Variants in DPH2 observed in about 807,000 individuals in gnomAD.
DPH2 encodes 2-(3-amino-3-carboxypropyl)histidine synthase subunit 2.
DPH2 carries 28 observed loss-of-function variants against 42.5 expected under a neutral mutation model. That is an observed-to-expected ratio of 0.66 (90% CI 0.49 to 0.90). The LOEUF (loss-of-function observed/expected upper bound fraction) is 0.90. Among genes scored for constraint, DPH2 ranks in the 40% least tolerant of loss-of-function variants. The pLI is 0.00. For synonymous variants in DPH2, 279 were observed against 264.4 expected, an observed-to-expected ratio of 1.06 and a Z score of -0.53; for missense variants, 576 against 636.0, an observed-to-expected ratio of 0.91 and a Z score of 1.01.
rs200994815 is a variant in DPH2, at chr1:43,971,485, C to G, written c.583C>G (p.Pro195Ala). Residue 195 changes from proline to alanine, a missense_variant, in exon 4 of 6, where the codon CCC becomes GCC. This residue lies in a region of DPH2 where 395 missense variants were observed against 435.2 expected (regional missense o/e 0.91). Coordinates refer to ENST00000255108, the MANE Select transcript of DPH2 (RefSeq NM_001384.5). ...PVGSLSPEPM[P>A]LERFGRRFPL... Reference sequence around the variant, plus strand: ...GGGTTCCCTGAGTCCAGAGCCTATGCCCCTAGAGCGTTTTGGGCGCCGCTT... The same window carrying G: ...GGGTTCCCTGAGTCCAGAGCCTATGGCCCTAGAGCGTTTTGGGCGCCGCTT... 9 of 1,614,104 alleles carry G rather than the reference C, an allele frequency of 5.6e-6. No individual in the cohort carries two copies. The highest frequency in any genetic ancestry group is 1.3e-5 in the African/African-American group (1 of 74,950).
chr1:43,970,565 C>T, intron 1 of DPH2, 31 bp from the exon 2 acceptor site: 1 of 1,605,090 alleles, frequency 6.2e-7, no homozygotes, highest in Non-Finnish European at 8.5e-7. Flanking sequence ...GGGAGAGAGG[C>T]TGTCCCTGAC....
chr1:43,971,019 A>C lies in DPH2; in HGVS notation c.314A>C (p.His105Pro), dbSNP rs1328221859. 6.3e-7 allele frequency: 1 copy of C among 1,586,036 alleles called. No individual in the cohort carries two copies. Among genetic ancestry groups the C allele is most frequent in the Non-Finnish European group, 8.6e-7 (1 of 1,165,460 alleles). ...AEQAGAQALI[H>P]FGPACLSPPA... ...CAAGCTGGAGCTCAGGCTCTCATACATTTTGGCCCTGCCTGCTTAAGCCCT... is the reference window on the plus strand; with the variant it reads ...CAAGCTGGAGCTCAGGCTCTCATACCTTTTGGCCCTGCCTGCTTAAGCCCT... The change falls in exon 3 of 6, where the codon CAT becomes CCT. Residue 105 changes from histidine (H) to proline (P), a missense_variant. By Grantham distance (77) the His-to-Pro change is moderately conservative. Around this residue, in one of 3 missense-constraint regions of DPH2, gnomAD observed 395 missense variants for 435.2 expected, o/e 0.91. Transcript: ENST00000255108.
chr1:43,970,202 C>G lies in DPH2; in HGVS notation c.27C>G (p.Ala9=). MESMFSSP[A]EAALQRETGV... ...TGGAGTCGATGTTTAGCAGCCCTGC[C>G]GAGGCGGCGCTGCAGCGAGAGACCG... is the stretch of plus-strand genomic sequence containing the variant. Residue 9 remains alanine, a synonymous_variant, in exon 1 of 6, where the codon GCC becomes GCG. Coordinates refer to ENST00000255108, the MANE Select transcript of DPH2 (RefSeq NM_001384.5). 3 of 1,614,082 alleles carry G rather than the reference C, an allele frequency of 1.9e-6. No individual in the cohort carries two copies. Among genetic ancestry groups the G allele is most frequent in the Non-Finnish European group, 2.5e-6 (3 of 1,179,958 alleles).
At position 43,970,225 on chromosome 1, in the gene DPH2, C is replaced by G; in HGVS notation, c.50C>G (p.Thr17Ser). 1 of 1,614,226 alleles carries G rather than the reference C, an allele frequency of 6.2e-7. No homozygotes were observed. The highest frequency in any genetic ancestry group is 1.1e-5 in the South Asian group (1 of 91,086). Residue 17 changes from threonine to serine, a missense_variant, in exon 1 of 6, where the codon ACC (threonine) becomes AGC (serine). By Grantham distance (58) the Thr-to-Ser change is moderately conservative. Around this residue, in one of 3 missense-constraint regions of DPH2, gnomAD observed 395 missense variants for 435.2 expected, o/e 0.91. Coordinates refer to ENST00000255108, the MANE Select transcript of DPH2 (RefSeq NM_001384.5). Reference sequence around the variant, plus strand: ...GCCGAGGCGGCGCTGCAGCGAGAGACCGGGGTGCCAGGACTGCTTACTCCT... The same window carrying G: ...GCCGAGGCGGCGCTGCAGCGAGAGAGCGGGGTGCCAGGACTGCTTACTCCT... ...SPAEAALQRE[T>S]GVPGLLTPLP...
Position 43,970,242 on chromosome 1 carries a change from C to G in DPH2, c.67C>G (p.Leu23Val), listed in dbSNP as rs746144496. The change falls in exon 1 of 6, where the codon CTT becomes GTT. Residue 23 changes from leucine (L) to valine (V), a missense_variant. By Grantham distance (32) the Leu-to-Val change is conservative. Coordinates refer to ENST00000255108, the MANE Select transcript of DPH2 (RefSeq NM_001384.5). The stretch of plus-strand genomic sequence containing the variant: ...GCGAGAGACCGGGGTGCCAGGACTG[C>G]TTACTCCTCTTCCGGACCTGGACGG... ...LQRETGVPGL[L>V]TPLPDLDGVY... 1.9e-6 allele frequency: 3 copies of G among 1,614,250 alleles called. No individual in the cohort carries two copies. The Admixed American group carries it at 5.0e-5, about 27-fold the overall frequency.
In DPH2 at chr1:43,972,658, G is replaced by C. The variant is rs1161608645; in HGVS notation, c.*119G>C. 5 of 1,447,918 alleles carry C rather than the reference G, an allele frequency of 3.5e-6. No individual in the cohort carries two copies. The highest frequency in any genetic ancestry group is 2.8e-5 in the African/African-American group (2 of 71,004). The allele number at this position is 1,447,918 out of a possible 1,614,324, so 89.7% of individuals were successfully genotyped here. ...CCTTGAAGGACCCTGGAAGGAGGGA[G>C]AGCAGGCAGCCCTTCACAGGATAGG... On this transcript the variant is annotated 3_prime_UTR_variant, in exon 6 of 6. Coordinates refer to ENST00000255108, the MANE Select transcript of DPH2 (RefSeq NM_001384.5).
At position 43,970,021 on chromosome 1, in the gene DPH2, T is replaced by C. The variant is rs539455304; in HGVS notation, c.-155T>C. The C allele has an allele frequency of 2.6e-5, 22 of 832,444 alleles. No individual in the cohort carries two copies. The highest frequency in any genetic ancestry group is 3.6e-5 in the Non-Finnish European group (20 of 552,192). 51.6% of individuals were successfully genotyped at this position (832,444 alleles called of 1,614,324 possible). Reference sequence around the variant, plus strand: ...TGTAGCGGAGAAACAGTAGTTAGGATGGCTGAAGGGGATACTCACCGGCTG... The same window carrying C: ...TGTAGCGGAGAAACAGTAGTTAGGACGGCTGAAGGGGATACTCACCGGCTG... On this transcript the variant is annotated 5_prime_UTR_variant, in exon 1 of 6. An upstream start codon of the reference 5' UTR is lost. Transcript: ENST00000255108.
Position 43,970,829 on chromosome 1 carries a change from C to A in DPH2, c.260+121C>A, listed in dbSNP as rs372033617. 6.3e-6 allele frequency: 8 copies of A among 1,273,962 alleles called. No homozygotes were observed. The African/African-American group carries it at 1.2e-4, about 19-fold the overall frequency. The allele number at this position is 1,273,962 out of a possible 1,614,324, so 78.9% of individuals were successfully genotyped here. On this transcript the variant is annotated intron_variant, in intron 2 of 5. Transcript: ENST00000255108. ...CCTTGATGATAATGGTAATGACTCC[C>A]CTTCTGATGCTAGCTCCTTTCATTG... is the stretch of plus-strand genomic sequence containing the variant.
At chr1:43,970,760 G>T in intron 2 of DPH2, 52 bp downstream of exon 2, 1 of 1,538,454 alleles carries the variant, frequency 6.5e-7, no homozygotes. Flanking sequence ...GGCTCATGGG[G>T]TTTTACGTCT....
rs1306957426 is a variant in DPH2 at position 43,971,648 on chromosome 1, C to T, written c.746C>T (p.Ser249Phe). 6.2e-6 allele frequency: 10 copies of T among 1,614,170 alleles called. No homozygotes were observed. Among genetic ancestry groups the T allele is most frequent in the African/African-American group, 1.3e-5 (1 of 75,066 alleles). Residue 249 changes from serine (S) to phenylalanine (F), a missense_variant, in exon 4 of 6, where the codon TCC becomes TTC. Ser to Phe is a radical substitution (Grantham distance 155). Around this residue, in one of 3 missense-constraint regions of DPH2, gnomAD observed 395 missense variants for 435.2 expected, o/e 0.91. Coordinates refer to ENST00000255108, the MANE Select transcript of DPH2 (RefSeq NM_001384.5). ...LGWAPGQPFSSCCPDTGKTQD... is the reference protein window; with the variant it reads ...LGWAPGQPFSFCCPDTGKTQD... ...TGGGCACCAGGTCAACCCTTCTCCT[C>T]CTGCTGTCCAGATACAGGGAAGACT...
rs373058733 is a variant in DPH2 at position 43,970,284 on chromosome 1, C to G, written c.109C>G (p.Arg37Gly). 5 of 1,614,224 alleles carry G rather than the reference C, an allele frequency of 3.1e-6. No individual in the cohort carries two copies. The East Asian group carries it at 6.7e-5, about 22-fold the overall frequency. Residue 37 changes from arginine (R) to glycine (G), a missense_variant, in exon 1 of 6, where the codon CGA becomes GGA. Coordinates refer to ENST00000255108, the MANE Select transcript of DPH2 (RefSeq NM_001384.5). Reference sequence around the variant, plus strand: ...CCTGGACGGAGTGTACGAGCTGGAGCGAGTCGCTGGATTTGTCCGCGACCT... The same window carrying G: ...CCTGGACGGAGTGTACGAGCTGGAGGGAGTCGCTGGATTTGTCCGCGACCT... ...PDLDGVYELE[R>G]VAGFVRDLGC...
Position 43,971,846 on chromosome 1 carries a change from A to C in DPH2, c.944A>C (p.Tyr315Ser). The change falls in exon 4 of 6, where the codon TAT (tyrosine) becomes TCT (serine). Residue 315 changes from tyrosine (Y) to serine (S), a missense_variant. Coordinates refer to ENST00000255108, the MANE Select transcript of DPH2 (RefSeq NM_001384.5). ...ACTCAGGCTGCTGGCAAGCGTAGCTATGTGTTGGCCCTGGGGCGGCCCACC... is the reference window on the plus strand; with the variant it reads ...ACTCAGGCTGCTGGCAAGCGTAGCTCTGTGTTGGCCCTGGGGCGGCCCACC... The part of the protein sequence containing the change: ...NLTQAAGKRS[Y>S]VLALGRPTPA... The C allele has an allele frequency of 6.2e-7, 1 of 1,613,904 alleles. No homozygotes were observed. Among genetic ancestry groups the C allele is most frequent in the Non-Finnish European group, 8.5e-7 (1 of 1,180,026 alleles).
Position 43,972,038 on chromosome 1 carries a change from CCCACCT to C in DPH2, c.1138_1143del (p.His380_Leu381del), listed in dbSNP as rs2085441140. ...GCCTGGCCACCTCCAGGCCTGGCTC[CCCACCT>C]CACACATTATGCGGACTTATTGCCT... On this transcript the variant is annotated inframe_deletion, in exon 4 of 6. Coordinates refer to ENST00000255108, the MANE Select transcript of DPH2 (RefSeq NM_001384.5). 1.9e-6 allele frequency: 3 copies of C among 1,613,924 alleles called. No individual in the cohort carries two copies. Among genetic ancestry groups the C allele is most frequent in the Admixed American group, 3.3e-5 (2 of 59,994 alleles).
Position 43,970,052 on chromosome 1 carries a change from C to T in DPH2, c.-124C>T, listed in dbSNP as rs2085385861. 5.3e-6 allele frequency: 6 copies of T among 1,133,034 alleles called. No individual in the cohort carries two copies. The East Asian group carries it at 7.6e-5, about 14-fold the overall frequency. 70.2% of individuals were successfully genotyped at this position (1,133,034 alleles called of 1,614,324 possible). On this transcript the variant is annotated 5_prime_UTR_variant, in exon 1 of 6. Transcript: ENST00000255108. ...AAGGGGATACTCACCGGCTGAAGGC[C>T]GACTGTGATTCCCCCTACCCCCACA...
chr1:43,971,460 G>A lies in DPH2; in HGVS notation c.558G>A (p.Val186=). Residue 186 remains valine (V), a synonymous_variant, in exon 4 of 6, where the codon GTG becomes GTA. Transcript: ENST00000255108. ...LVSSPAFPQP[V]GSLSPEPMPL... ...CCAGCCCAGCTTTTCCCCAACCAGTGGGTTCCCTGAGTCCAGAGCCTATGC... is the reference window on the plus strand; with the variant it reads ...CCAGCCCAGCTTTTCCCCAACCAGTAGGTTCCCTGAGTCCAGAGCCTATGC... 6.2e-7 allele frequency: 1 copy of A among 1,613,682 alleles called. No homozygotes were observed. The highest frequency in any genetic ancestry group is 8.5e-7 in the Non-Finnish European group (1 of 1,179,708).
chr1:43,971,099 G>A lies in DPH2; in HGVS notation c.394G>A (p.Glu132Lys), dbSNP rs764218639. ...GCTTCGTCAACGTTCTGTGGCCTTG[G>A]AGCTCTGTGTCAAGGCCTTTGAGGC... ...FVLRQRSVAL[E>K]LCVKAFEAQN... The change falls in exon 3 of 6, where the codon GAG (glutamate) becomes AAG (lysine). Residue 132 changes from glutamate to lysine, a missense_variant. Glu to Lys is a moderately conservative substitution (Grantham distance 56). Coordinates refer to ENST00000255108, the MANE Select transcript of DPH2 (RefSeq NM_001384.5). 2 of 1,560,246 alleles carry A rather than the reference G, an allele frequency of 1.3e-6. No individual in the cohort carries two copies. The highest frequency in any genetic ancestry group is 2.4e-5 in the South Asian group (2 of 84,950).
In DPH2 at chr1:43,971,857, C is replaced by G. The variant is rs1372301930; in HGVS notation, c.955C>G (p.Leu319Val). ...TGGCAAGCGTAGCTATGTGTTGGCC[C>G]TGGGGCGGCCCACCCCTGCCAAGCT... The part of the protein sequence containing the change: ...AAGKRSYVLA[L>V]GRPTPAKLAN... Residue 319 changes from leucine (L) to valine (V), a missense_variant, in exon 4 of 6, where the codon CTG (leucine) becomes GTG (valine). Around this residue, in one of 3 missense-constraint regions of DPH2, gnomAD observed 395 missense variants for 435.2 expected, o/e 0.91. Coordinates refer to ENST00000255108, the MANE Select transcript of DPH2 (RefSeq NM_001384.5). 2.5e-6 allele frequency: 4 copies of G among 1,613,948 alleles called. No homozygotes were observed. The African/African-American group carries it at 5.3e-5, about 22-fold the overall frequency.
Position 43,970,966 on chromosome 1 carries a change from C to G in DPH2, c.261C>G (p.Ser87Arg). Residue 87 changes from serine (S) to arginine (R), a missense_variant and splice_region_variant, in exon 3 of 6, where the codon AGC becomes AGG. Ser to Arg is a moderately radical substitution (Grantham distance 110). Around this residue, in one of 3 missense-constraint regions of DPH2, gnomAD observed 395 missense variants for 435.2 expected, o/e 0.91. Transcript: ENST00000255108. ...TTCTCTGATGCTATCTTCCCTGCAGCTGCTGCGTGGATGTGCTGGGTGCTG... is the reference window on the plus strand; with the variant it reads ...TTCTCTGATGCTATCTTCCCTGCAGGTGCTGCGTGGATGTGCTGGGTGCTG... ...MFILGDTAYG[S>R]CCVDVLGAEQ... 6.4e-7 allele frequency: 1 copy of G among 1,573,238 alleles called. No homozygotes were observed. The highest frequency in any genetic ancestry group is 8.6e-7 in the Non-Finnish European group (1 of 1,157,880).
chr1:43,970,933 G>A, intron 2 of DPH2, 33 bp from the exon 3 acceptor site: 1 of 1,558,034 alleles, frequency 6.4e-7, no homozygotes, highest in Non-Finnish European at 8.7e-7. Flanking sequence ...CTCCAGAAGA[G>A]AACCCATTTC....
Sources: gnomAD v4.1 joint callset for allele counts on GRCh38, gnomAD v4.1.1 for gene constraint, gnomAD v4.1.1 regional missense constraint, MANE v1.5 for transcripts, NCBI Gene and HGNC (gene_info 2026-07-23, HGNC 2026-07-21) for gene names.